The following SEMA6D variants were observed in gnomAD, a reference collection of about 807,000 sequenced individuals.
The protein encoded by SEMA6D is semaphorin 6D, also known as semaphorin-6D.
SEMA6D carries 35 observed loss-of-function variants against 106.6 expected under a neutral mutation model. That is an observed-to-expected ratio of 0.33 (90% CI 0.25 to 0.44). SEMA6D has a LOEUF of 0.44. Among genes scored for constraint, SEMA6D ranks in the 20% least tolerant of loss-of-function variants. The pLI is 1.00. For missense variants in SEMA6D, 1,185 were observed against 1,345.9 expected, an observed-to-expected ratio of 0.88 and a Z score of 1.87; for synonymous variants, 499 against 487.7, an observed-to-expected ratio of 1.02 and a Z score of -0.31.
chr15:47,482,795 A>T lies in SEMA6D; in HGVS notation c.-87+12250A>T, dbSNP rs148392262. Among the ~76,000 whole-genome samples, 353 of 152,262 alleles carry T rather than the reference A, an allele frequency of 2.3e-3. 1 individual carries two copies. The highest frequency in any genetic ancestry group is 8.3e-3 in the African/African-American group (343 of 41,548). ...AAAACAAGTGAGAAGTTATTTATTA[A>T]TCCATTAGATCTATGTTAATGGGAA... On this transcript the variant is annotated intron_variant, in intron 3 of 19. Coordinates refer to the SEMA6D transcript ENST00000558014.
chr15:47,544,476 A>T (rs956418596), intron 3 of SEMA6D, among the ~76,000 whole-genome samples: 6 of 152,202 alleles, frequency 3.9e-5, no homozygotes, highest in Non-Finnish European at 8.8e-5. Context: ...TAAGTTAAAA[A>T]TACTGTGGTC....
chr15:47,598,173 G>A (rs956074055), intron 3 of SEMA6D, among the ~76,000 whole-genome samples: 1 of 151,916 alleles, frequency 6.6e-6, no homozygotes, highest in Non-Finnish European at 1.5e-5. Context: ...ATAATATTGT[G>A]TTCATTTCCA....
intron 3 of SEMA6D, among the ~76,000 whole-genome samples, chr15:47,502,429 T>C (rs1262573138): frequency 6.6e-6 from 1 of 152,206 alleles, no homozygotes; most frequent in African/African-American, 2.4e-5. Context: ...TGTTGTTTTG[T>C]TTTGGTCCTG....
intron 1 of SEMA6D, among the ~76,000 whole-genome samples, chr15:47,401,150 T>TA (rs2040385300): frequency 6.6e-6 from 1 of 152,238 alleles, no homozygotes; most frequent in South Asian, 2.1e-4. Context: ...AAATACTCTG[T>TA]AAATGTTAGC....
chr15:47,576,836 A>G (rs2076163747), intron 3 of SEMA6D, among the ~76,000 whole-genome samples: 1 of 152,174 alleles, frequency 6.6e-6, no homozygotes, highest in Non-Finnish European at 1.5e-5. Flanking sequence ...GAACAAAATG[A>G]GCCTTACGCG....
At chr15:47,402,914 A>C (rs2040444001) in intron 1 of SEMA6D, among the ~76,000 whole-genome samples, 1 of 152,198 alleles carries the variant, frequency 6.6e-6, no homozygotes. Flanking sequence ...CCTCCATCAT[A>C]GAGTAATGGA....
chr15:47,490,799 A>T (rs1038728243), intron 3 of SEMA6D, among the ~76,000 whole-genome samples: 3 of 152,008 alleles, frequency 2.0e-5, no homozygotes, highest in Non-Finnish European at 4.4e-5. Context: ...GAATGAAAAA[A>T]CTCCATAGCC....
At chr15:47,450,196 A>T (rs2042145924) in intron 2 of SEMA6D, among the ~76,000 whole-genome samples, 3 of 152,158 alleles carry the variant, frequency 2.0e-5, no homozygotes, top group Admixed American at 2.0e-4. Context: ...TATTAAAATA[A>T]ATCAAAATAT....
chr15:47,230,469 A>G (rs1300197004), intron 1 of SEMA6D, among the ~76,000 whole-genome samples: 2 of 151,970 alleles, frequency 1.3e-5, no homozygotes, highest in East Asian at 1.9e-4. Context: ...GAGAGTAACG[A>G]TTTGCCTGTG....
At chr15:47,243,142 G>A (rs1043109018) in intron 1 of SEMA6D, among the ~76,000 whole-genome samples, 6 of 152,120 alleles carry the variant, frequency 3.9e-5, no homozygotes, top group African/African-American at 1.4e-4. Flanking sequence ...TGGAATTTGA[G>A]AAGCCAACCA....
intron 1 of SEMA6D, among the ~76,000 whole-genome samples, chr15:47,196,910 C>T (rs568503072): frequency 6.6e-6 from 1 of 152,236 alleles, no homozygotes; most frequent in South Asian, 2.1e-4. Flanking sequence ...TGTGTGGCTG[C>T]TTCTGTTCAT....
chr15:47,547,271 A>G (rs1369939165), intron 3 of SEMA6D, among the ~76,000 whole-genome samples: 1 of 152,108 alleles, frequency 6.6e-6, no homozygotes, highest in Non-Finnish European at 1.5e-5. Context: ...TCTTCATACC[A>G]CATAAGCACC....
chr15:47,600,027 T>G (rs1389799978), intron 3 of SEMA6D, among the ~76,000 whole-genome samples: 1 of 152,098 alleles, frequency 6.6e-6, no homozygotes, highest in African/African-American at 2.4e-5. Context: ...TTTCAAATCC[T>G]GGAGTATCGG....
intron 1 of SEMA6D, among the ~76,000 whole-genome samples, chr15:47,254,489 A>C (rs2033693270): frequency 6.6e-6 from 1 of 151,912 alleles, no homozygotes; most frequent in African/African-American, 2.4e-5. Flanking sequence ...GTAAGAATGG[A>C]CATCCTCATC....
chr15:47,265,880 G>T (rs956705573), intron 1 of SEMA6D, among the ~76,000 whole-genome samples: 8 of 152,226 alleles, frequency 5.3e-5, no homozygotes, highest in East Asian at 1.9e-4. Flanking sequence ...TGCAACCTTT[G>T]TTGTAACCAT....
chr15:47,210,554 C>G (rs962840967), intron 1 of SEMA6D, among the ~76,000 whole-genome samples: 2 of 151,702 alleles, frequency 1.3e-5, no homozygotes, highest in African/African-American at 4.8e-5. Context: ...GTGGGCGGAT[C>G]ACGAGATCAA....
chr15:47,284,230 G>A (rs1298017196), intron 1 of SEMA6D, among the ~76,000 whole-genome samples: 3 of 152,196 alleles, frequency 2.0e-5, no homozygotes, highest in African/African-American at 7.2e-5. Context: ...GCCAGAAGAT[G>A]TGCTTGAACC....
At chr15:47,636,966 C>A (rs1596497733) in intron 4 of SEMA6D, among the ~76,000 whole-genome samples, 1 of 151,984 alleles carries the variant, frequency 6.6e-6, no homozygotes, top group Non-Finnish European at 1.5e-5. Context: ...TAATTTGATA[C>A]CTGATGAAAT....
chr15:47,767,943 C>CTAACTCT (rs61648243), intron 17 of SEMA6D, among the ~76,000 whole-genome samples: 21,814 of 152,050 alleles, frequency 0.14, 2,358 homozygotes, highest in East Asian at 0.58. Context: ...TTAGGTTCTG[C>CTAACTCT]TTGGAAGAAA....
Sources: allele counts gnomAD v4.1 joint callset (sites outside exome capture counted in the v4.1 genomes callset), GRCh38; gene constraint gnomAD v4.1.1; transcripts MANE v1.5; gene names NCBI Gene and HGNC (gene_info 2026-07-23, HGNC 2026-07-21).